The following SETX variants were observed in gnomAD, a reference collection of about 807,000 sequenced individuals.
The protein encoded by SETX is senataxin.
Under a neutral mutation model 227.2 loss-of-function variants are expected in SETX, and 90 were observed. That is an observed-to-expected ratio of 0.40 (90% CI 0.33 to 0.47). The LOEUF is 0.47. SETX is among the 20% of genes least tolerant of loss of function. SETX has a pLI of 0.91. For missense variants in SETX, 3,052 were observed against 3,181.5 expected, an observed-to-expected ratio of 0.96 and a Z score of 0.98; for synonymous variants, 1,210 against 1,113.2, an observed-to-expected ratio of 1.09 and a Z score of -1.73.
chr9:132,336,388 T>A lies in SETX; in HGVS notation c.626A>T (p.Asp209Val). Residue 209 changes from aspartate (D) to valine (V), a missense_variant, in exon 6 of 26, where the codon GAC becomes GTC. This residue lies in a region of SETX where 239 missense variants were observed against 240.8 expected (regional missense o/e 0.99). Coordinates refer to ENST00000224140, the MANE Select transcript of SETX (RefSeq NM_015046.7). ...VIELGLLESP[D>V]IYTSSVLEKG... ...CTCTAGGACAGAAGAAGTATAAATG[T>A]CTGGACTCTCTAAAAGCCCCAACTC... The A allele has an allele frequency of 6.2e-7, 1 of 1,614,142 alleles. No homozygotes were observed. The highest frequency in any genetic ancestry group is 8.5e-7 in the Non-Finnish European group (1 of 1,179,988).
intron 18 of SETX, among the ~76,000 whole-genome samples, chr9:132,284,186 C>T (rs1843699152): frequency 6.6e-6 from 1 of 152,212 alleles, no homozygotes; most frequent in Admixed American, 6.5e-5. Flanking sequence ...CAGACACTGT[C>T]CTCAGCCACC....
chr9:132,346,853 G>A (rs887069821), intron 3 of SETX, among the ~76,000 whole-genome samples: 3 of 151,934 alleles, frequency 2.0e-5, no homozygotes, highest in African/African-American at 4.8e-5. Flanking sequence ...TTCTCTGGAG[G>A]CTGAAGCAAA....
upstream of SETX, among the ~76,000 whole-genome samples, chr9:132,356,444 G>A (rs745499194): frequency 6.6e-6 from 1 of 151,998 alleles, no homozygotes. Context: ...CAAGTGATCC[G>A]CCCCGCCTCG....
Position 132,264,584 on chromosome 9 carries a change from G to C in SETX, c.7689C>G (p.Pro2563=). The C allele has an allele frequency of 1.2e-6, 2 of 1,614,184 alleles. No homozygotes were observed. Among genetic ancestry groups the C allele is most frequent in the South Asian group, 1.1e-5 (1 of 91,082 alleles). Reference sequence around the variant, plus strand: ...TAGGAGGTGTTGCTCCAGGATGCTGGGGGCTCGAGGGTTGTGGATCCCAAA... The same window carrying C: ...TAGGAGGTGTTGCTCCAGGATGCTGCGGGCTCGAGGGTTGTGGATCCCAAA... ...IFLWDPQPSS[P]QHPGATPPTG... is the part of the protein sequence containing the mutation. Residue 2563 remains proline, a synonymous_variant, in exon 26 of 26, where the codon CCC becomes CCG. Transcript: ENST00000224140.
chr9:132,336,495 C>G lies in SETX; in HGVS notation c.519G>C (p.Leu173Phe). 1 of 1,613,710 alleles carries G rather than the reference C, an allele frequency of 6.2e-7. No homozygotes were observed. The highest frequency in any genetic ancestry group is 8.5e-7 in the Non-Finnish European group (1 of 1,179,652). Residue 173 changes from leucine (L) to phenylalanine (F), a missense_variant, in exon 6 of 26, where the codon TTG becomes TTC. By Grantham distance (22) the Leu-to-Phe change is conservative. This residue lies in a region of SETX where 239 missense variants were observed against 240.8 expected (regional missense o/e 0.99). Coordinates refer to ENST00000224140, the MANE Select transcript of SETX (RefSeq NM_015046.7). ...CCACTTTCCCCAAGTTTCTTGCAGT[C>G]AAGATAGCCCAACGCCGAACCTAAA... ...PNEMVRRWAI[L>F]TARNLGKVDR...
At chr9:132,302,708 A>G (rs1410237297) in intron 11 of SETX, among the ~76,000 whole-genome samples, 1 of 146,586 alleles carries the variant, frequency 6.8e-6, no homozygotes, top group Non-Finnish European at 1.5e-5. Flanking sequence ...ACCAGCAGGC[A>G]TTTTTATAAA....
rs1842912798 is a variant in SETX at position 132,271,725 on chromosome 9, A to G, written c.7184T>C (p.Ile2395Thr). The change falls in exon 24 of 26, where the codon ATC becomes ACC. Residue 2395 changes from isoleucine to threonine, a missense_variant. Physicochemically the swap from Ile to Thr is moderately conservative, Grantham distance 89 (BLOSUM62 -1). Around this residue, in one of 10 missense-constraint regions of SETX, gnomAD observed 412 missense variants for 589.0 expected, o/e 0.70. Coordinates refer to ENST00000224140, the MANE Select transcript of SETX (RefSeq NM_015046.7). ...AGTAACTCACCCAATTGAACCTTGG[A>G]TGCTATTTGCTCTGACACACGTAAC... is the stretch of plus-strand genomic sequence containing the variant. ...VIVTCVRANS[I>T]QGSIGFLASL... 1.2e-6 allele frequency: 2 copies of G among 1,612,660 alleles called. No homozygotes were observed. The highest frequency in any genetic ancestry group is 1.7e-6 in the Non-Finnish European group (2 of 1,179,776).
chr9:132,305,994 AT>A (rs999180949), intron 11 of SETX, among the ~76,000 whole-genome samples: 25 of 152,146 alleles, frequency 1.6e-4, no homozygotes, highest in Non-Finnish European at 2.6e-4. Context: ...TAATTTTGCA[AT>A]TTTTTTGAAA....
intron 3 of SETX, 60 bp from the exon 4 acceptor site, chr9:132,346,531 A>G: frequency 8.3e-7 from 1 of 1,201,648 alleles, no homozygotes; most frequent in Middle Eastern, 2.6e-4. Flanking sequence ...AATACACTGA[A>G]TGTGACGACC....
intron 3 of SETX, among the ~76,000 whole-genome samples, chr9:132,348,124 C>T (rs749093994): frequency 4.0e-5 from 6 of 151,032 alleles, no homozygotes; most frequent in Non-Finnish European, 8.8e-5. Flanking sequence ...TTTGGGAGGC[C>T]GAGGTGGGCA....
rs755123245 is a variant in SETX, at chr9:132,328,422, T to C, written c.3176A>G (p.Lys1059Arg). 6.2e-7 allele frequency: 1 copy of C among 1,613,936 alleles called. No homozygotes were observed. Residue 1059 changes from lysine (K) to arginine (R), a missense_variant, in exon 10 of 26, where the codon AAG becomes AGG. Lys to Arg is a conservative substitution (Grantham distance 26, BLOSUM62 2). Coordinates refer to ENST00000224140, the MANE Select transcript of SETX (RefSeq NM_015046.7). Reference protein sequence around the residue: ...HVSTVNSKEEKNPVKEEKTET... With the variant: ...HVSTVNSKEERNPVKEEKTET... ...TGTCTTTTCTTCCTTTACTGGATTC[T>C]TTTCCTCCTTACTATTAACTGTTGA...
intron 25 of SETX, among the ~76,000 whole-genome samples, chr9:132,267,686 T>C (rs1026229269): frequency 2.0e-5 from 3 of 152,226 alleles, no homozygotes; most frequent in African/African-American, 7.2e-5. Flanking sequence ...GTCGGTGCCA[T>C]TAGCTGGAGG....
intron 11 of SETX, among the ~76,000 whole-genome samples, chr9:132,303,846 G>A (rs1845169344): frequency 6.6e-6 from 1 of 152,172 alleles, no homozygotes; most frequent in African/African-American, 2.4e-5. Flanking sequence ...CACCACATGG[G>A]CGCAGTAGCT....
At position 132,283,801 on chromosome 9, in the gene SETX, G is replaced by A. The variant is rs943524770; in HGVS notation, c.6397-388C>T. 3.3e-4 allele frequency among the ~76,000 whole-genome samples: 50 copies of A among 152,170 alleles called. 1 individual carries two copies. Among genetic ancestry groups the A allele is most frequent in the Admixed American group, 1.3e-4 (2 of 15,268 alleles). On this transcript the variant is annotated intron_variant, in intron 18 of 25. Coordinates refer to ENST00000224140, the MANE Select transcript of SETX (RefSeq NM_015046.7). ...ACCAGGGGTGGAATTCAGCCTGAAT[G>A]TACATTTTTCTGTTAGTTTTTAAGT...
At chr9:132,349,156 T>C in intron 3 of SETX, 96 bp downstream of exon 3, 3 of 1,211,248 alleles carry the variant, frequency 2.5e-6, no homozygotes, top group Non-Finnish European at 3.6e-6. Context: ...GTTGAAATCG[T>C]ATCATCATTT....
At chr9:132,269,269 G>C in intron 25 of SETX, 2 of 521,814 alleles carry the variant, frequency 3.8e-6, no homozygotes, top group Non-Finnish European at 6.2e-6. Context: ...GCATTAAGCT[G>C]GGCCAATAAC....
At chr9:132,349,142 C>A (rs1036587403) in intron 3 of SETX, 110 bp downstream of exon 3, 7 of 1,106,686 alleles carry the variant, frequency 6.3e-6, no homozygotes, top group Admixed American at 2.2e-5. Context: ...AAAAAACCCA[C>A]AAAGTTGAAA....
chr9:132,305,098 TA>T (rs1845248570), intron 11 of SETX, among the ~76,000 whole-genome samples: 1 of 152,146 alleles, frequency 6.6e-6, no homozygotes, highest in Non-Finnish European at 1.5e-5. Context: ...GCCTCACCTG[TA>T]ATCCCAGCAC....
rs1313901012 is a variant in SETX, at chr9:132,264,850, G to A, written c.7423C>T (p.His2475Tyr). 1.2e-6 allele frequency: 2 copies of A among 1,614,174 alleles called. No individual in the cohort carries two copies. Among genetic ancestry groups the A allele is most frequent in the African/African-American group, 1.3e-5 (1 of 75,050 alleles). ...CCCTCTGGGGCTATGGTAGGAGGGT[G>A]AGTGAGACTTCTCTGCAGCACAGGC... ...LKPVLQRSLTHPPTIAPEGSR... is the reference protein window; with the variant it reads ...LKPVLQRSLTYPPTIAPEGSR... Residue 2475 changes from histidine to tyrosine, a missense_variant, in exon 26 of 26, where the codon CAC becomes TAC. Transcript: ENST00000224140.
Sources: allele counts gnomAD v4.1 joint callset (sites outside exome capture counted in the v4.1 genomes callset), GRCh38; gene constraint gnomAD v4.1.1; regional missense constraint gnomAD v4.1.1; transcripts MANE v1.5; gene names NCBI Gene and HGNC (gene_info 2026-07-23, HGNC 2026-07-21).